The following NASP variants were observed in gnomAD, a reference collection of about 807,000 sequenced individuals.
The protein encoded by NASP is NASP histone chaperone.
A neutral mutation model predicts 89.5 loss-of-function variants in NASP; 24 were observed. The ratio of observed to expected loss-of-function variants is 0.27; its 90% confidence interval spans 0.19 to 0.38. The LOEUF (loss-of-function observed/expected upper bound fraction) is 0.38. Ranked by LOEUF, NASP falls within the 10% of genes least tolerant of loss-of-function variation. The pLI, the probability that NASP is intolerant of heterozygous loss-of-function variation, is 1.00. For missense variants in NASP, 848 were observed against 921.4 expected (o/e 0.92, Z 1.03); for synonymous variants, 306 against 324.7 (o/e 0.94, Z 0.62).
At position 45,608,073 on chromosome 1, in the gene NASP, G is replaced by C; in HGVS notation, c.1162G>C (p.Asp388His). 1.2e-6 allele frequency: 2 copies of C among 1,613,998 alleles called. No homozygotes were observed. Among genetic ancestry groups the C allele is most frequent in the Non-Finnish European group, 1.7e-6 (2 of 1,179,890 alleles). Residue 388 changes from aspartate to histidine, a missense_variant, in exon 6 of 15, where the codon GAT becomes CAT. By Grantham distance (81) the Asp-to-His change is moderately conservative. Around this residue, in one of 5 missense-constraint regions of NASP, gnomAD observed 464 missense variants for 469.4 expected, o/e 0.99. Transcript: ENST00000350030. Reference sequence around the variant, plus strand: ...AGTCAATGGACCGTCAGTTGTAGGAGATCAGACTCCTATTGAACCACAGAC... The same window carrying C: ...AGTCAATGGACCGTCAGTTGTAGGACATCAGACTCCTATTGAACCACAGAC... ...GAVNGPSVVG[D>H]QTPIEPQTSI...
At position 45,584,215 on chromosome 1, in the gene NASP, A is replaced by C. The variant is rs1179500788; in HGVS notation, c.59+10A>C. Reference sequence around the variant, plus strand: ...TGGTTTCTGCCGACAAGTAAGCGGGACTGTGGAAAGCTTAAGGCACTGGCC... The same window carrying C: ...TGGTTTCTGCCGACAAGTAAGCGGGCCTGTGGAAAGCTTAAGGCACTGGCC... On this transcript the variant is annotated intron_variant, in intron 1 of 14. Coordinates refer to ENST00000350030, the MANE Select transcript of NASP (RefSeq NM_002482.4). The C allele has an allele frequency of 6.3e-7, 1 of 1,579,664 alleles. No individual in the cohort carries two copies. The highest frequency in any genetic ancestry group is 1.3e-5 in the African/African-American group (1 of 74,348).
At chr1:45,592,541 GTCTC>G (rs1345246817) in intron 2 of NASP, among the ~76,000 whole-genome samples, 14 of 151,970 alleles carry the variant, frequency 9.2e-5, no homozygotes, top group Middle Eastern at 3.4e-3. Flanking sequence ...TTGAGATGGA[GTCTC>G]ACTCTGTCAC....
intron 2 of NASP, among the ~76,000 whole-genome samples, chr1:45,592,304 G>A (rs1029249486): frequency 2.6e-5 from 4 of 152,022 alleles, no homozygotes; most frequent in African/African-American, 4.8e-5. Flanking sequence ...TTTTCGAAGC[G>A]GAGTCTTGCT....
rs1448503673 is a variant in NASP at position 45,584,173 on chromosome 1, C to T, written c.27C>T (p.Ala9=). Residue 9 remains alanine, a synonymous_variant, in exon 1 of 15, where the codon GCC becomes GCT. Transcript: ENST00000350030. MAMESTAT[A]AVAAELVSAD... is the part of the protein sequence containing the mutation. ...TGGCCATGGAGTCCACAGCCACTGCCGCCGTCGCCGCGGAGCTGGTTTCTG... is the reference window on the plus strand; with the variant it reads ...TGGCCATGGAGTCCACAGCCACTGCTGCCGTCGCCGCGGAGCTGGTTTCTG... 1 of 1,596,974 alleles carries T rather than the reference C, an allele frequency of 6.3e-7. No individual in the cohort carries two copies. Among genetic ancestry groups the T allele is most frequent in the Non-Finnish European group, 8.5e-7 (1 of 1,171,932 alleles).
At chr1:45,595,529 A>C (rs1014703690) in intron 2 of NASP, among the ~76,000 whole-genome samples, 2 of 152,200 alleles carry the variant, frequency 1.3e-5, no homozygotes, top group African/African-American at 2.4e-5. Flanking sequence ...GCAGTTCTCA[A>C]AGTTTTTTTC....
At position 45,608,304 on chromosome 1, in the gene NASP, CAAG is replaced by C; in HGVS notation, c.1395_1397del (p.Glu466del). ...TCAGATAGCTGCTAATGAAGAGACA[CAAG>C]AGAGAGAAGAACAGATGAAAGAGGG... On this transcript the variant is annotated inframe_deletion, in exon 6 of 15. Transcript: ENST00000350030. 1 of 1,611,842 alleles carries C rather than the reference CAAG, an allele frequency of 6.2e-7. No homozygotes were observed. Among genetic ancestry groups the C allele is most frequent in the Non-Finnish European group, 8.5e-7 (1 of 1,178,882 alleles).
At chr1:45,585,318 G>C (rs1644517205) in intron 1 of NASP, among the ~76,000 whole-genome samples, 1 of 152,036 alleles carries the variant, frequency 6.6e-6, no homozygotes, top group Admixed American at 6.5e-5. Flanking sequence ...AAAAGGAATG[G>C]TTGCTGTGAA....
intron 11 of NASP, 110 bp from the exon 12 acceptor site, chr1:45,616,227 A>G: frequency 1.0e-6 from 1 of 989,364 alleles, no homozygotes; most frequent in Non-Finnish European, 1.6e-6. Context: ...GGAGGCCACT[A>G]GCATTTCAGG....
chr1:45,615,582 A>C (rs764044134), intron 11 of NASP, 111 bp downstream of exon 11: 46 of 994,668 alleles, frequency 4.6e-5, no homozygotes, highest in Non-Finnish European at 6.7e-5. Flanking sequence ...TGGTGGGCTC[A>C]TCTAATTATT....
intron 9 of NASP, 92 bp downstream of exon 9, chr1:45,614,458 A>G (rs1263146933): frequency 9.8e-7 from 1 of 1,025,394 alleles, no homozygotes; most frequent in African/African-American, 1.6e-5. Flanking sequence ...TGATCTTTAA[A>G]AAGATAGGTC....
intron 13 of NASP, chr1:45,617,113 G>A (rs2148376981): frequency 3.3e-6 from 1 of 307,642 alleles, no homozygotes; most frequent in South Asian, 3.5e-5. Context: ...AAAGTGCTGG[G>A]ATTATAAGCG....
At position 45,616,266 on chromosome 1, in the gene NASP, G is replaced by A. The variant is rs529484643; in HGVS notation, c.2023-71G>A. 7.3e-5 allele frequency: 99 copies of A among 1,359,678 alleles called. 2 individuals are homozygous for A. The South Asian group carries it at 1.1e-3, about 15-fold the overall frequency. The allele number at this position is 1,359,678 out of a possible 1,614,324, so 84.2% of individuals were successfully genotyped here. ...TAGTCAGTTGTTTGGATGGTGATGG[G>A]TTCCTGTTACAAGGCTGTGGGCGGC... On this transcript the variant is annotated intron_variant, in intron 11 of 14. Transcript: ENST00000350030.
intron 1 of NASP, among the ~76,000 whole-genome samples, chr1:45,585,037 GT>G (rs957667283): frequency 6.6e-6 from 1 of 152,150 alleles, no homozygotes; most frequent in Admixed American, 6.5e-5. Flanking sequence ...CACCAGCACT[GT>G]TTGGTTGCTA....
chr1:45,610,639 C>G (rs746352811), intron 6 of NASP: 4 of 152,222 alleles, frequency 2.6e-5, no homozygotes, highest in African/African-American at 9.7e-5. Flanking sequence ...GCTCTTTTGC[C>G]AGGCTGGAGT....
chr1:45,599,492 A>G (rs921019629), intron 2 of NASP, among the ~76,000 whole-genome samples: 1 of 151,836 alleles, frequency 6.6e-6, no homozygotes, highest in Non-Finnish European at 1.5e-5. Context: ...CAGTGGCACA[A>G]TCTCGGCTCA....
intron 2 of NASP, among the ~76,000 whole-genome samples, chr1:45,598,269 T>G (rs1313023015): frequency 6.6e-6 from 1 of 151,850 alleles, no homozygotes; most frequent in Non-Finnish European, 1.5e-5. Context: ...CTCCCAGGTT[T>G]AAGCAATTCT....
At chr1:45,597,832 T>A (rs1404680197) in intron 2 of NASP, among the ~76,000 whole-genome samples, 1 of 152,200 alleles carries the variant, frequency 6.6e-6, no homozygotes, top group African/African-American at 2.4e-5. Context: ...TTTAGTTCTT[T>A]ATGCAACAAT....
At chr1:45,587,716 TGTC>T (rs1644577754) in intron 1 of NASP, among the ~76,000 whole-genome samples, 1 of 120,960 alleles carries the variant, frequency 8.3e-6, no homozygotes, top group Non-Finnish European at 1.7e-5. Context: ...AGAGTCTTGT[TGTC>T]TTGCCCAAGC....
At chr1:45,616,951 T>A (rs567770593) in intron 13 of NASP, among the ~76,000 whole-genome samples, 1 of 152,252 alleles carries the variant, frequency 6.6e-6, no homozygotes, top group East Asian at 1.9e-4. Context: ...TTCAAGTGAT[T>A]CTCCTGCCTC....
Sources: allele counts gnomAD v4.1 joint callset (sites outside exome capture counted in the v4.1 genomes callset), GRCh38; gene constraint gnomAD v4.1.1; regional missense constraint gnomAD v4.1.1; transcripts MANE v1.5; gene names NCBI Gene and HGNC (gene_info 2026-07-23, HGNC 2026-07-21).